Variants in MB21D2 observed in about 807,000 individuals in gnomAD.
MB21D2 encodes the protein nucleotidyltransferase MB21D2.
A neutral mutation model predicts 33.3 loss-of-function variants in MB21D2; 9 were observed. The observed-to-expected ratio is 0.27, with a 90% CI of 0.16 to 0.47. The LOEUF (loss-of-function observed/expected upper bound fraction) is 0.47, where lower values mean the gene tolerates loss of function less well. Ranked by LOEUF, MB21D2 falls within the 20% of genes least tolerant of loss-of-function variation. The pLI is 0.99. For missense variants in MB21D2, 540 were observed against 624.6 expected (o/e 0.86, Z 1.44); for synonymous variants, 241 against 236.3 (o/e 1.02, Z -0.18).
chr3:192,821,976 G>A (rs962054534), intron 1 of MB21D2, among the ~76,000 whole-genome samples: 1 of 152,078 alleles, frequency 6.6e-6, no homozygotes, highest in Non-Finnish European at 1.5e-5. Flanking sequence ...GATGAGTACT[G>A]CATTCCGGTT....
chr3:192,864,479 G>A (rs1188570145), intron 1 of MB21D2, among the ~76,000 whole-genome samples: 2 of 152,066 alleles, frequency 1.3e-5, no homozygotes, highest in Non-Finnish European at 2.9e-5. Context: ...CTAAAGAACT[G>A]GAATTACAAG....
chr3:192,869,325 A>AGGGG (rs1713239677), intron 1 of MB21D2, among the ~76,000 whole-genome samples: 1 of 108,880 alleles, frequency 9.2e-6, no homozygotes, highest in African/African-American at 3.7e-5. Flanking sequence ...AAGGAGGGAA[A>AGGGG]AAGGGAAGGA....
rs772577953 is a variant in MB21D2 at position 192,798,560 on chromosome 3, G to A, written c.1302C>T (p.Thr434=). Residue 434 remains threonine (T), a synonymous_variant, in exon 2 of 2, where the codon ACC becomes ACT. Coordinates refer to ENST00000392452, the MANE Select transcript of MB21D2 (RefSeq NM_178496.4). The surrounding 1 kb of genome is among the most constrained non-coding windows in gnomAD (Gnocchi z 4.8). ...CAGACTGTGGAGAGGGGATGCTGGT[G>A]GTGCTACCTCGCCTCTGGAGCTCCA... The part of the protein sequence containing the change: ...LTLELQRRGS[T]TSIPSPQSDG... 2 of 1,614,186 alleles carry A rather than the reference G, an allele frequency of 1.2e-6. No homozygotes were observed. Among genetic ancestry groups the A allele is most frequent in the Admixed American group, 3.3e-5 (2 of 60,014 alleles).
At chr3:192,839,925 G>GAGCTTGCAGT (rs1560236145) in intron 1 of MB21D2, among the ~76,000 whole-genome samples, 1 of 152,040 alleles carries the variant, frequency 6.6e-6, no homozygotes, top group African/African-American at 2.4e-5. Flanking sequence ...TTCCGTTTTA[G>GAGCTTGCAGT]GGAAACTCAC....
At chr3:192,900,392 A>G (rs1714070405) in intron 1 of MB21D2, among the ~76,000 whole-genome samples, 1 of 152,112 alleles carries the variant, frequency 6.6e-6, no homozygotes, top group African/African-American at 2.4e-5. Flanking sequence ...GATGGAGAAA[A>G]AGGAGAAAAT....
chr3:192,813,833 G>A (rs914854770), intron 1 of MB21D2, among the ~76,000 whole-genome samples: 27 of 152,180 alleles, frequency 1.8e-4, no homozygotes, highest in African/African-American at 6.0e-4. Context: ...AAAATGTAAG[G>A]TGTGCTCTAT....
In MB21D2 at chr3:192,850,473, G is replaced by A. The variant is rs541185923; in HGVS notation, c.212-50823C>T. Among the ~76,000 whole-genome samples the A allele has an allele frequency of 9.2e-5, 14 of 152,234 alleles. No homozygotes were observed. In the South Asian group the frequency reaches 1.2e-3, roughly 14 times the overall value. On this transcript the variant is annotated intron_variant, in intron 1 of 1. Transcript: ENST00000392452. The stretch of plus-strand genomic sequence containing the variant: ...ACCCACCATATCTCTCCTTCATTCC[G>A]TCATTCATCGCATGTGTGGTGAGCC...
At position 192,880,599 on chromosome 3, in the gene MB21D2, C is replaced by T. The variant is rs146479520; in HGVS notation, c.211+37031G>A. ...AGATGTGAGTCCCCCAGGAAAAGCA[C>T]GGCCTAGGGCGAGCAGCTGTCGGAG... On this transcript the variant is annotated intron_variant, in intron 1 of 1. Transcript: ENST00000392452. 1.0e-3 allele frequency among the ~76,000 whole-genome samples: 155 copies of T among 152,122 alleles called. 3 individuals are homozygous for T. The highest frequency in any genetic ancestry group is 3.4e-3 in the African/African-American group (139 of 41,414).
intron 1 of MB21D2, among the ~76,000 whole-genome samples, chr3:192,882,719 C>CA (rs1234750283): frequency 6.6e-6 from 1 of 150,978 alleles, no homozygotes; most frequent in African/African-American, 2.5e-5. Flanking sequence ...TACTGCCCTA[C>CA]AGGACATCAA....
chr3:192,819,493 C>T (rs1369799609), intron 1 of MB21D2, among the ~76,000 whole-genome samples: 2 of 152,130 alleles, frequency 1.3e-5, no homozygotes, highest in Non-Finnish European at 2.9e-5. Flanking sequence ...CCTGGGCCTC[C>T]CACCCCCGCT....
At chr3:192,892,519 C>A (rs755943213) in intron 1 of MB21D2, among the ~76,000 whole-genome samples, 7 of 152,208 alleles carry the variant, frequency 4.6e-5, no homozygotes, top group Non-Finnish European at 1.0e-4. Flanking sequence ...CAGCTCACTG[C>A]AACCTCTGCC....
At chr3:192,821,111 G>T (rs150163083) in intron 1 of MB21D2, among the ~76,000 whole-genome samples, 105 of 152,234 alleles carry the variant, frequency 6.9e-4, no homozygotes, top group Non-Finnish European at 1.3e-3. Flanking sequence ...TAATGCTGCT[G>T]CCTTCCTGAT....
At position 192,799,254 on chromosome 3, in the gene MB21D2, G is replaced by C. The variant is rs1486089339; in HGVS notation, c.608C>G (p.Pro203Arg). ...TTCTACCTTTGGCATCCCTCGCTGG[G>C]GTTTCTTCTGTATTTCTGATAGGAC... ...SIVLSEIQKK[P>R]QRGMPKVEKV... The change falls in exon 2 of 2, where the codon CCC becomes CGC. Residue 203 changes from proline to arginine, a missense_variant. Transcript: ENST00000392452. The surrounding 1 kb of genome is among the most constrained non-coding windows in gnomAD (Gnocchi z 4.1). 6.2e-7 allele frequency: 1 copy of C among 1,614,174 alleles called. No homozygotes were observed. The highest frequency in any genetic ancestry group is 2.2e-5 in the East Asian group (1 of 44,884).
chr3:192,855,037 T>A (rs1577184690), intron 1 of MB21D2, among the ~76,000 whole-genome samples: 1 of 152,240 alleles, frequency 6.6e-6, no homozygotes, highest in Non-Finnish European at 1.5e-5. Flanking sequence ...GCAACTCATG[T>A]ACCAATGAGT....
intron 1 of MB21D2, among the ~76,000 whole-genome samples, chr3:192,815,452 CAT>C (rs767916764): frequency 8.5e-5 from 13 of 152,220 alleles, no homozygotes; most frequent in Non-Finnish European, 1.9e-4. Context: ...TCCAAGGAGA[CAT>C]GTGTTTAGCA....
At chr3:192,912,327 GA>G (rs763034847) in intron 1 of MB21D2, among the ~76,000 whole-genome samples, 2 of 152,042 alleles carry the variant, frequency 1.3e-5, no homozygotes, top group Non-Finnish European at 2.9e-5. Context: ...TCAAATGCGT[GA>G]AAAAAACAGA....
chr3:192,829,529 T>G, intron 1 of MB21D2, among the ~76,000 whole-genome samples: 1 of 152,240 alleles, frequency 6.6e-6, no homozygotes, highest in African/African-American at 2.4e-5. Context: ...ATGGGCAACC[T>G]CAGATAATGA....
At chr3:192,895,611 TAAA>T (rs571484799) in intron 1 of MB21D2, among the ~76,000 whole-genome samples, 2 of 152,218 alleles carry the variant, frequency 1.3e-5, no homozygotes, top group Non-Finnish European at 2.9e-5. Flanking sequence ...AGAAAACTAT[TAAA>T]GAAAAAGAAA....
intron 1 of MB21D2, among the ~76,000 whole-genome samples, chr3:192,833,110 T>C (rs1313318667): frequency 6.7e-6 from 1 of 150,144 alleles, no homozygotes; most frequent in East Asian, 1.9e-4. Flanking sequence ...TTTGTTGTTG[T>C]TTCTAATCAC....
Sources: gnomAD v4.1 joint callset for allele counts (sites outside exome capture counted in the v4.1 genomes callset) on GRCh38, gnomAD v4.1.1 for gene constraint, Gnocchi (gnomAD v3.1) non-coding constraint, MANE v1.5 for transcripts, NCBI Gene and HGNC (gene_info 2026-07-23, HGNC 2026-07-21) for gene names.